PHF19: variants seen among roughly 807,000 people sequenced by gnomAD.
The protein encoded by PHF19 is polycomb like 3.
Under a neutral mutation model 79.8 loss-of-function variants are expected in PHF19, and 21 were observed. The observed-to-expected ratio is 0.26, with a 90% CI of 0.19 to 0.38. The LOEUF is 0.38. Among genes scored for constraint, PHF19 ranks in the 10% least tolerant of loss-of-function variants. The probability of loss-of-function intolerance (pLI) is 1.00; values close to 1 mark genes in which losing one functional copy is unlikely to be tolerated. For missense variants in PHF19, 445 were observed against 744.2 expected (o/e 0.60, Z 4.68); for synonymous variants, 273 against 296.3 (o/e 0.92, Z 0.81).
At chr9:120,888,501 A>G (rs966666916) in intron 1 of PHF19, among the ~76,000 whole-genome samples, 2 of 152,218 alleles carry the variant, frequency 1.3e-5, no homozygotes, top group African/African-American at 4.8e-5. Flanking sequence ...GGCTATGCCA[A>G]TATTTTCATG....
upstream of PHF19, among the ~76,000 whole-genome samples, chr9:120,878,853 A>G (rs1358884955): frequency 6.6e-6 from 1 of 152,226 alleles, no homozygotes; most frequent in Non-Finnish European, 1.5e-5. Context: ...GGATTGTGCT[A>G]CTTAACCATG....
At chr9:120,892,284 G>T (rs974256209) in intron 1 of PHF19, among the ~76,000 whole-genome samples, 1 of 152,100 alleles carries the variant, frequency 6.6e-6, no homozygotes, top group South Asian at 2.1e-4. Flanking sequence ...CCTTGTCTCG[G>T]CTCTCTCTTT....
chr9:120,897,516 A>G (rs1008018778), upstream of PHF19, among the ~76,000 whole-genome samples: 5 of 152,336 alleles, frequency 3.3e-5, no homozygotes, highest in East Asian at 9.6e-4. Flanking sequence ...AAAGTCCTCT[A>G]GTGCTATCCA....
At chr9:120,901,951 G>A in the PHF19 span, among the ~76,000 whole-genome samples, 3 of 152,310 alleles carry the variant, frequency 2.0e-5, no homozygotes, top group East Asian at 1.9e-4. Context: ...AACCTCCGGG[G>A]GCAAGGCAGA....
chr9:120,884,986 G>A (rs767720791), intron 1 of PHF19, among the ~76,000 whole-genome samples: 16 of 152,152 alleles, frequency 1.1e-4, no homozygotes, highest in Admixed American at 6.5e-5. Flanking sequence ...TTAGGAGGTT[G>A]AGGTGGGAGA....
At chr9:120,880,552 A>C (rs1397170049), upstream of PHF19, among the ~76,000 whole-genome samples, 1 of 152,226 alleles carries the variant, frequency 6.6e-6, no homozygotes, top group Non-Finnish European at 1.5e-5. Context: ...ATGGAATAAT[A>C]TACTGGGAGT....
At chr9:120,901,072 G>A in the PHF19 span, among the ~76,000 whole-genome samples, 1 of 152,232 alleles carries the variant, frequency 6.6e-6, no homozygotes, top group African/African-American at 2.4e-5. Flanking sequence ...GGTACCACAG[G>A]GCTTGCCCTT....
Position 120,891,704 on chromosome 9 carries a change from C to T in PHF19, c.42+3084G>A, listed in dbSNP as rs917525362. On this transcript the variant is annotated intron_variant, in intron 1 of 14. Transcript: ENST00000616568. The surrounding 1 kb of genome is among the most constrained non-coding windows in gnomAD (Gnocchi z 4.3). ...GAAAGAAAACTAGTCATCTGTTTAT[C>T]TGAGTCAGTAGCATTGAGCAGCTGT... Among the ~76,000 whole-genome samples the T allele has an allele frequency of 8.5e-5, 13 of 152,170 alleles. No individual in the cohort carries two copies. Among genetic ancestry groups the T allele is most frequent in the African/African-American group, 3.1e-4 (13 of 41,438 alleles).
Position 120,860,180 on chromosome 9 carries a change from C to G in PHF19, c.1310G>C (p.Ser437Thr). 1.3e-6 allele frequency: 2 copies of G among 1,581,382 alleles called. No individual in the cohort carries two copies. Among genetic ancestry groups the G allele is most frequent in the Non-Finnish European group, 1.7e-6 (2 of 1,160,444 alleles). Residue 437 changes from serine (S) to threonine (T), a missense_variant, in exon 14 of 15, where the codon AGC (serine) becomes ACC (threonine). Coordinates refer to ENST00000373896, the MANE Select transcript of PHF19 (RefSeq NM_015651.3). The surrounding 1 kb of genome is among the most constrained non-coding windows in gnomAD (Gnocchi z 4.1). ...ATCTGAGAAGAAGGTCTGGCCTGAG[C>G]TGGCACTGAGAGGGGCAAGACCGTG... is the stretch of plus-strand genomic sequence containing the variant. ...LDEIQSLKSA[S>T]SGQTFFSDVD...
In PHF19 at chr9:120,860,126, G is replaced by C. The variant is rs1433460547; in HGVS notation, c.1364C>G (p.Ser455Cys). 1.2e-6 allele frequency: 2 copies of C among 1,601,300 alleles called. No homozygotes were observed. Among genetic ancestry groups the C allele is most frequent in the East Asian group, 2.3e-5 (1 of 44,412 alleles). Residue 455 changes from serine to cysteine, a missense_variant, in exon 14 of 15, where the codon TCT (serine) becomes TGT (cysteine). Coordinates refer to ENST00000373896, the MANE Select transcript of PHF19 (RefSeq NM_015651.3). This position sits in a 1 kb window ranked among gnomAD's most constrained non-coding sequence, Gnocchi z 4.1. ...DVDSTDAASTSGSASTSLSYD... is the reference protein window; with the variant it reads ...DVDSTDAASTCGSASTSLSYD... ...GGAGAGGCTGGTGGAGGCAGAGCCA[G>C]AGGTGCTGGCAGCGTCGGTGGAGTC...
At chr9:120,868,066 A>G (rs2045758156) in intron 6 of PHF19, among the ~76,000 whole-genome samples, 1 of 151,766 alleles carries the variant, frequency 6.6e-6, no homozygotes, top group South Asian at 2.1e-4. Context: ...TCTCCAGGGA[A>G]AAGAATCTTT....
rs1384444892 is a variant in PHF19 at position 120,862,941 on chromosome 9, G to C, written c.969-192C>G. The C allele has an allele frequency of 1.7e-6, 1 of 587,574 alleles. No homozygotes were observed. The highest frequency in any genetic ancestry group is 3.0e-6 in the Non-Finnish European group (1 of 328,114). The allele number at this position is 587,574 out of a possible 1,614,324, so 36.4% of individuals were successfully genotyped here. The stretch of plus-strand genomic sequence containing the variant: ...CCAGGTAGCAGCTGAGAACACGGCT[G>C]GTGCCTCCTCCCTGTGCTTCCTCCT... On this transcript the variant is annotated intron_variant, in intron 10 of 14. Transcript: ENST00000373896. This position sits in a 1 kb window ranked among gnomAD's most constrained non-coding sequence, Gnocchi z 4.6.
At chr9:120,859,681 A>G (rs937833424) in intron 14 of PHF19, among the ~76,000 whole-genome samples, 2 of 152,308 alleles carry the variant, frequency 1.3e-5, no homozygotes, top group South Asian at 2.1e-4. Context: ...GACAGGCACC[A>G]TATTCAGACA....
At chr9:120,880,007 G>T (rs2046155800), upstream of PHF19, among the ~76,000 whole-genome samples, 1 of 152,078 alleles carries the variant, frequency 6.6e-6, no homozygotes, top group Admixed American at 6.6e-5. Context: ...AATATAGGGG[G>T]GTGGGGGGTG....
At chr9:120,898,202 C>T (rs566965368), upstream of PHF19, among the ~76,000 whole-genome samples, 3 of 152,252 alleles carry the variant, frequency 2.0e-5, no homozygotes, top group South Asian at 4.1e-4. Flanking sequence ...CTGCAATCTC[C>T]GCCTCCTGGG....
At chr9:120,864,009 T>C (rs2045619388) in intron 10 of PHF19, 40 bp downstream of exon 10, 2 of 1,535,296 alleles carry the variant, frequency 1.3e-6, no homozygotes, top group South Asian at 1.1e-5. Flanking sequence ...ATCTCACCTG[T>C]AGAGGGCCCC....
rs1430043504 is a variant in PHF19, at chr9:120,862,922, A to G, written c.969-173T>C. On this transcript the variant is annotated intron_variant, in intron 10 of 14. Transcript: ENST00000373896. This position sits in a 1 kb window ranked among gnomAD's most constrained non-coding sequence, Gnocchi z 4.6. ...GCCCATGGGATGCGGGGTTCCAGGT[A>G]GCAGCTGAGAACACGGCTGGTGCCT... is the stretch of plus-strand genomic sequence containing the variant. The G allele has an allele frequency of 6.4e-6, 4 of 620,212 alleles. No individual in the cohort carries two copies. Among genetic ancestry groups the G allele is most frequent in the Admixed American group, 5.6e-5 (2 of 35,678 alleles). 38.4% of individuals were successfully genotyped at this position (620,212 alleles called of 1,614,324 possible). A position where few individuals can be genotyped will look rare whatever the true frequency, so the allele number is the denominator to read the frequency against.
At position 120,869,089 on chromosome 9, in the gene PHF19, T is replaced by C; in HGVS notation, c.614+93A>G. The C allele has an allele frequency of 4.5e-6, 6 of 1,327,578 alleles. No individual in the cohort carries two copies. Among genetic ancestry groups the C allele is most frequent in the Non-Finnish European group, 6.0e-6 (6 of 1,002,336 alleles). 82.2% of individuals were successfully genotyped at this position (1,327,578 alleles called of 1,614,324 possible). ...CCGCCCTCAAGGTCCCCGCCTTGGC[T>C]GACACGCCAGGCTCGCTCCCTATGG... On this transcript the variant is annotated intron_variant, in intron 6 of 14. Transcript: ENST00000373896. This position sits in a 1 kb window ranked among gnomAD's most constrained non-coding sequence, Gnocchi z 5.8.
chr9:120,896,751 C>T (rs148743655), upstream of PHF19, among the ~76,000 whole-genome samples: 5 of 152,176 alleles, frequency 3.3e-5, no homozygotes, highest in Non-Finnish European at 7.4e-5. Context: ...CCGTGCCCGG[C>T]CGTTTGTATG....
Sources: allele counts gnomAD v4.1 joint callset (sites outside exome capture counted in the v4.1 genomes callset), GRCh38; gene constraint gnomAD v4.1.1; non-coding constraint Gnocchi (gnomAD v3.1); transcripts MANE v1.5; gene names NCBI Gene and HGNC (gene_info 2026-07-23, HGNC 2026-07-21).